The following NIBAN2 variants were observed in gnomAD, a reference collection of about 807,000 sequenced individuals.
NIBAN2 encodes protein Niban 2.
NIBAN2 carries 36 observed loss-of-function variants against 81.8 expected under a neutral mutation model. The ratio of observed to expected loss-of-function variants is 0.44; its 90% CI spans 0.34 to 0.58. The LOEUF (loss-of-function observed/expected upper bound fraction) is 0.58, where lower values mean the gene tolerates loss of function less well. Ranked by LOEUF, NIBAN2 falls within the 20% of genes least tolerant of loss-of-function variation. The probability of loss-of-function intolerance (pLI) is 0.02; values close to 1 mark genes in which losing one functional copy is unlikely to be tolerated. For missense variants in NIBAN2, 897 were observed against 1,014.1 expected (o/e 0.88, Z 1.57); for synonymous variants, 445 against 441.6 (o/e 1.01, Z -0.10).
rs911442668 is a variant in NIBAN2 at position 127,508,046 on chromosome 9, C to T, written c.1542+47G>A. On this transcript the variant is annotated intron_variant, in intron 12 of 13. Transcript: ENST00000373312. The surrounding 1 kb of genome is among the most constrained non-coding windows in gnomAD (Gnocchi z 6.4). ...GTAGAGGGAGGCCTGTGGGCTCCAT[C>T]CCCCAACTTAGGGCCCAAACGGCTG... 2.5e-6 allele frequency: 4 copies of T among 1,610,252 alleles called. No homozygotes were observed. In the African/African-American group the frequency reaches 5.3e-5, roughly 22 times the overall value.
At chr9:127,568,702 C>A in intron 1 of NIBAN2, 118 bp downstream of exon 1, 7 of 927,708 alleles carry the variant, frequency 7.5e-6, no homozygotes, top group Non-Finnish European at 9.6e-6. Context: ...CAGCTCCCAC[C>A]GGCCCGGCCT....
intron 2 of NIBAN2, 59 bp from the exon 3 acceptor site, chr9:127,527,381 GA>G: frequency 6.6e-7 from 1 of 1,505,348 alleles, no homozygotes; most frequent in Non-Finnish European, 9.2e-7. Context: ...TGCTCCCCAT[GA>G]AGCTGATGGC....
At chr9:127,568,693 A>T in intron 1 of NIBAN2, 127 bp downstream of exon 1, 1 of 820,678 alleles carries the variant, frequency 1.2e-6, no homozygotes, top group Non-Finnish European at 1.6e-6. Context: ...GCTCCCTGGC[A>T]GCTCCCACCG....
chr9:127,557,142 G>A (rs370499794), intron 1 of NIBAN2, among the ~76,000 whole-genome samples: 15 of 152,324 alleles, frequency 9.8e-5, no homozygotes, highest in African/African-American at 3.6e-4. Flanking sequence ...CCAAGGGGCT[G>A]TGGGAGCTCA....
rs76295919 is a variant in NIBAN2 at position 127,556,197 on chromosome 9, C to G, written c.55+12623G>C. Among the ~76,000 whole-genome samples the G allele has an allele frequency of 1.2e-4, 19 of 152,294 alleles. No individual in the cohort carries two copies. The South Asian group carries it at 2.3e-3, about 18-fold the overall frequency. On this transcript the variant is annotated intron_variant, in intron 1 of 13. Coordinates refer to ENST00000373312, the MANE Select transcript of NIBAN2 (RefSeq NM_022833.4). ...GGCTCAAAGCCAGTGAGTCACGCTT[C>G]GAGGAATACAGGCAGGAGGAAGGAA... is the stretch of plus-strand genomic sequence containing the variant.
In NIBAN2 at chr9:127,508,571, C is replaced by CA; in HGVS notation, c.1318-34dup. ...GCATACCGCGGACATGTGAAGCCCC[C>CA]AGGGTGACCACAGCCCCTTCCTGGG... is the stretch of plus-strand genomic sequence containing the variant. On this transcript the variant is annotated intron_variant, in intron 10 of 13. Transcript: ENST00000373312. The surrounding 1 kb of genome is among the most constrained non-coding windows in gnomAD (Gnocchi z 6.4). The CA allele has an allele frequency of 6.4e-7, 1 of 1,565,702 alleles. No homozygotes were observed. The highest frequency in any genetic ancestry group is 8.8e-7 in the Non-Finnish European group (1 of 1,137,862).
chr9:127,548,119 A>G (rs956296857), intron 1 of NIBAN2, among the ~76,000 whole-genome samples: 54 of 152,312 alleles, frequency 3.5e-4, no homozygotes, highest in African/African-American at 1.3e-3. Context: ...GCAAAGGGTG[A>G]CTGGAACAGC....
At chr9:127,533,387 G>A (rs971634763) in intron 1 of NIBAN2, among the ~76,000 whole-genome samples, 3 of 152,218 alleles carry the variant, frequency 2.0e-5, no homozygotes, top group Non-Finnish European at 4.4e-5. Context: ...AACCCGGGAG[G>A]CGGAGCTTGC....
chr9:127,519,333 G>A (rs1836892633), intron 5 of NIBAN2, among the ~76,000 whole-genome samples: 1 of 152,172 alleles, frequency 6.6e-6, no homozygotes, highest in Non-Finnish European at 1.5e-5. Context: ...CAGATTCAGT[G>A]CCCGGGAGGC....
intron 1 of NIBAN2, among the ~76,000 whole-genome samples, chr9:127,532,354 T>C (rs1434371001): frequency 6.6e-6 from 1 of 152,088 alleles, no homozygotes; most frequent in Non-Finnish European, 1.5e-5. Context: ...CCAGAACTTT[T>C]CAAGGCCAAG....
rs1322054920 is a variant in NIBAN2 at position 127,531,602 on chromosome 9, G to A, written c.186+46C>T. 3 of 1,587,716 alleles carry A rather than the reference G, an allele frequency of 1.9e-6. No individual in the cohort carries two copies. In the Admixed American group the frequency reaches 5.1e-5, roughly 27 times the overall value. On this transcript the variant is annotated intron_variant, in intron 2 of 13. Coordinates refer to ENST00000373312, the MANE Select transcript of NIBAN2 (RefSeq NM_022833.4). Reference sequence around the variant, plus strand: ...TAAGGTCACTCCCCCGAGGCCACATGGCGAGAAGTAGCAGAACATACCCGA... The same window carrying A: ...TAAGGTCACTCCCCCGAGGCCACATAGCGAGAAGTAGCAGAACATACCCGA...
At chr9:127,527,104 G>A in intron 3 of NIBAN2, 90 bp downstream of exon 3, 1 of 1,519,744 alleles carries the variant, frequency 6.6e-7, no homozygotes, top group Non-Finnish European at 9.0e-7. Context: ...TGTGACGGTG[G>A]CGTCTGGGGC....
intron 2 of NIBAN2, among the ~76,000 whole-genome samples, chr9:127,529,157 G>T (rs1291293636): frequency 6.6e-6 from 1 of 152,222 alleles, no homozygotes; most frequent in Non-Finnish European, 1.5e-5. Flanking sequence ...CAATGCCTCG[G>T]TCAGAGACAG....
At chr9:127,535,503 G>A (rs117788386) in intron 1 of NIBAN2, among the ~76,000 whole-genome samples, 1 of 152,286 alleles carries the variant, frequency 6.6e-6, no homozygotes, top group East Asian at 1.9e-4. Context: ...AGGGAGACAT[G>A]GGAGTGCAGG....
chr9:127,525,200 G>A (rs779150161), intron 3 of NIBAN2, 37 bp from the exon 4 acceptor site: 2 of 1,556,028 alleles, frequency 1.3e-6, no homozygotes, highest in South Asian at 2.2e-5. Context: ...TGAGGGTTAA[G>A]GTGCGGCCAA....
At chr9:127,569,076 C>T (rs976126008), upstream of NIBAN2, 3 of 1,061,454 alleles carry the variant, frequency 2.8e-6, no homozygotes, top group Non-Finnish European at 3.4e-6. Context: ...GCCGCCTTGG[C>T]CCCCTCCCTG....
rs142269506 is a variant in NIBAN2, at chr9:127,529,997, T to C, written c.186+1651A>G. ...TAAATGAGGCCTCACGCAGAGGAAA[T>C]GCTTCACGCCCTCAGCCAGTGCCCA... On this transcript the variant is annotated intron_variant, in intron 2 of 13. Coordinates refer to ENST00000373312, the MANE Select transcript of NIBAN2 (RefSeq NM_022833.4). Among the ~76,000 whole-genome samples the C allele has an allele frequency of 1.4e-3, 217 of 152,324 alleles. 3 individuals are homozygous for C. In the South Asian group the frequency reaches 0.028, roughly 20 times the overall value.
At chr9:127,569,753 C>T (rs1241324078), upstream of NIBAN2, among the ~76,000 whole-genome samples, 1 of 152,230 alleles carries the variant, frequency 6.6e-6, no homozygotes, top group Non-Finnish European at 1.5e-5. Context: ...AGGCTCGGGC[C>T]CGAAGGCACC....
intron 5 of NIBAN2, among the ~76,000 whole-genome samples, chr9:127,523,188 AAAAAATATATATATATATATATATAT>A (rs1836981743): frequency 1.7e-4 from 5 of 29,372 alleles, no homozygotes; most frequent in East Asian, 2.2e-3. Context: ...AAAAAAAAAA[AAAAAATATATATATATATATATATAT>A]ATATATATAT....
Sources: gnomAD v4.1 joint callset for allele counts (sites outside exome capture counted in the v4.1 genomes callset) on GRCh38, gnomAD v4.1.1 for gene constraint, Gnocchi (gnomAD v3.1) non-coding constraint, MANE v1.5 for transcripts, NCBI Gene and HGNC (gene_info 2026-07-23, HGNC 2026-07-21) for gene names.